The following C1orf162 variants were observed in gnomAD, a reference collection of about 807,000 sequenced individuals.
C1orf162 encodes transmembrane protein C1orf162.
C1orf162 carries 10 observed loss-of-function variants against 11.4 expected under a neutral mutation model. The ratio of observed to expected loss-of-function variants is 0.88; its 90% confidence interval spans 0.54 to 1.48. C1orf162 has a LOEUF of 1.48. Ranked by LOEUF, C1orf162 falls within the 40% of genes most tolerant of loss-of-function variation. The probability of loss-of-function intolerance (pLI) is 0.00; values close to 1 mark genes in which losing one functional copy is unlikely to be tolerated. For missense variants in C1orf162, 140 were observed against 149.5 expected, an observed-to-expected ratio of 0.94 and a Z score of 0.33; for synonymous variants, 53 against 55.0, an observed-to-expected ratio of 0.96 and a Z score of 0.16.
chr1:111,477,295 G>T, intron 3 of C1orf162, 39 bp from the exon 4 acceptor site: 1 of 1,557,100 alleles, frequency 6.4e-7, no homozygotes, highest in Non-Finnish European at 8.9e-7. Context: ...GCCTTCAAAA[G>T]CCCAACAGTT....
intron 2 of C1orf162, 112 bp from the exon 3 acceptor site, chr1:111,476,686 T>C (rs1654000093): frequency 1.0e-6 from 1 of 958,950 alleles, no homozygotes; most frequent in Non-Finnish European, 1.7e-6. Context: ...TGCAGCCCCA[T>C]CCTTAATTTC....
Position 111,478,250 on chromosome 1 carries a change from T to C in C1orf162, c.*127T>C. The stretch of plus-strand genomic sequence containing the variant: ...GAAACTGCAGTCGGAGTTGTTTAGA[T>C]GTGATCTGGCAATGCTATCCAGCAT... On this transcript the variant is annotated 3_prime_UTR_variant, in exon 6 of 6. Transcript: ENST00000369718. The C allele has an allele frequency of 2.6e-6, 3 of 1,134,318 alleles. No homozygotes were observed. Among genetic ancestry groups the C allele is most frequent in the Non-Finnish European group, 3.9e-6 (3 of 778,406 alleles). 70.3% of individuals were successfully genotyped at this position (1,134,318 alleles called of 1,614,324 possible).
At chr1:111,477,825 A>C (rs369472329) in intron 5 of C1orf162, 50 bp downstream of exon 5, 57 of 1,607,948 alleles carry the variant, frequency 3.5e-5, no homozygotes, top group Non-Finnish European at 6.0e-6. Context: ...CCGTCATTGG[A>C]ATTCCCCTCC....
At position 111,478,047 on chromosome 1, in the gene C1orf162, A is replaced by G; in HGVS notation, c.317A>G (p.Lys106Arg). 6.2e-7 allele frequency: 1 copy of G among 1,614,144 alleles called. No individual in the cohort carries two copies. Among genetic ancestry groups the G allele is most frequent in the Non-Finnish European group, 8.5e-7 (1 of 1,179,970 alleles). Residue 106 changes from lysine (K) to arginine (R), a missense_variant, in exon 6 of 6, where the codon AAG becomes AGG. By Grantham distance (26) the Lys-to-Arg change is conservative (BLOSUM62 2). Coordinates refer to ENST00000369718, the MANE Select transcript of C1orf162 (RefSeq NM_001300834.2). ...ASTTFKLSEE[K>R]SNHLAENHSA... ...ACAACTTTCAAACTCTCAGAAGAAAAGAGCAATCACTTGGCTGAGAACCAT... is the reference window on the plus strand; with the variant it reads ...ACAACTTTCAAACTCTCAGAAGAAAGGAGCAATCACTTGGCTGAGAACCAT...
intron 1 of C1orf162, chr1:111,475,170 A>G (rs1325512078): frequency 8.0e-6 from 1 of 125,684 alleles, no homozygotes; most frequent in African/African-American, 3.7e-5. Context: ...AAGACCTATC[A>G]CCACTAAAAA....
intron 4 of C1orf162, 120 bp downstream of exon 4, chr1:111,477,548 C>T (rs763453953): frequency 1.1e-5 from 16 of 1,484,842 alleles, no homozygotes; most frequent in Admixed American, 6.9e-5. Context: ...CCTGCTTAGC[C>T]CACCCTGTCT....
chr1:111,476,875 A>G lies in C1orf162; in HGVS notation c.107+8A>G. On this transcript the variant is annotated splice_region_variant and intron_variant, in intron 3 of 5. Coordinates refer to ENST00000369718, the MANE Select transcript of C1orf162 (RefSeq NM_001300834.2). ...TCTCTCTAACCACCACAAGTAAATG[A>G]GCATTCTCCTATCTGTTTCATCTTG... 1 of 1,612,344 alleles carries G rather than the reference A, an allele frequency of 6.2e-7. No individual in the cohort carries two copies. The highest frequency in any genetic ancestry group is 8.5e-7 in the Non-Finnish European group (1 of 1,178,414).
chr1:111,477,246 T>C, intron 3 of C1orf162, 88 bp from the exon 4 acceptor site: 1 of 1,121,548 alleles, frequency 8.9e-7, no homozygotes, highest in South Asian at 1.3e-5. Context: ...ATTTCAGGAG[T>C]CCATCCATAG....
At chr1:111,475,651 A>G (rs1653963254) in intron 1 of C1orf162, 1 of 189,974 alleles carries the variant, frequency 5.3e-6, no homozygotes, top group Admixed American at 5.4e-5. Flanking sequence ...TGGCATTCTT[A>G]TATGTTCCCC....
At chr1:111,476,297 G>A (rs1455463234) in intron 2 of C1orf162, among the ~76,000 whole-genome samples, 1 of 152,148 alleles carries the variant, frequency 6.6e-6, no homozygotes, top group Admixed American at 6.5e-5. Flanking sequence ...TATCAAACTA[G>A]GTGGGTCCTG....
At chr1:111,475,965 T>G in intron 1 of C1orf162, 53 bp from the exon 2 acceptor site, 1 of 1,477,890 alleles carries the variant, frequency 6.8e-7, no homozygotes, top group South Asian at 1.1e-5. Context: ...AGCTGGCCCT[T>G]AAGCCGGCTC....
At chr1:111,477,814 A>G in intron 5 of C1orf162, 39 bp downstream of exon 5, 1 of 1,611,766 alleles carries the variant, frequency 6.2e-7, no homozygotes, top group South Asian at 1.1e-5. Context: ...CTGAAGGGCT[A>G]CCGTCATTGG....
chr1:111,477,126 A>AG, intron 3 of C1orf162: 1 of 634,812 alleles, frequency 1.6e-6, no homozygotes. Context: ...GGGTTGAGGG[A>AG]GGGGGAGAGG....
rs978655774 is a variant in C1orf162 at position 111,477,117 on chromosome 1, G to C, written c.108-217G>C. 51 of 634,224 alleles carry C rather than the reference G, an allele frequency of 8.0e-5. No homozygotes were observed. In the Admixed American group the frequency reaches 1.4e-3, roughly 17 times the overall value. The allele number at this position is 634,224 out of a possible 1,614,324, so 39.3% of individuals were successfully genotyped here. On this transcript the variant is annotated intron_variant, in intron 3 of 5. Transcript: ENST00000369718. ...GGTGGGGAATTATGAACATTGTGTG[G>C]GTTGAGGGAGGGGGAGAGGAAGAGG...
rs1654065867 is a variant in C1orf162 at position 111,478,225 on chromosome 1, G to A, written c.*102G>A. ...ACAAATTTTGGACCACCACCTGTGT[G>A]AAACTGCAGTCGGAGTTGTTTAGAT... On this transcript the variant is annotated 3_prime_UTR_variant, in exon 6 of 6. Transcript: ENST00000369718. 7.2e-7 allele frequency: 1 copy of A among 1,384,602 alleles called. No individual in the cohort carries two copies. Among genetic ancestry groups the A allele is most frequent in the Non-Finnish European group, 1.0e-6 (1 of 986,468 alleles). The allele number at this position is 1,384,602 out of a possible 1,614,324, so 85.8% of individuals were successfully genotyped here.
intron 1 of C1orf162, chr1:111,474,711 C>T (rs1364973715): frequency 6.6e-6 from 1 of 152,184 alleles, no homozygotes; most frequent in Non-Finnish European, 1.5e-5. Context: ...GATTCCTCAA[C>T]ACATTTTCCC....
At chr1:111,477,563 A>G in intron 4 of C1orf162, 135 bp downstream of exon 4, 1 of 1,504,266 alleles carries the variant, frequency 6.6e-7, no homozygotes, top group Non-Finnish European at 9.2e-7. Flanking sequence ...CTGTCTGCAG[A>G]CTGAAGATTC....
At chr1:111,476,992 C>A in intron 3 of C1orf162, 125 bp downstream of exon 3, 1 of 1,082,244 alleles carries the variant, frequency 9.2e-7, no homozygotes, top group Non-Finnish European at 1.4e-6. Flanking sequence ...AGTAAAAGAA[C>A]AAAGTCAGTT....
At chr1:111,477,630 C>G (rs746006464) in intron 4 of C1orf162, 96 bp from the exon 5 acceptor site, 2 of 1,610,488 alleles carry the variant, frequency 1.2e-6, no homozygotes, top group Non-Finnish European at 1.7e-6. Flanking sequence ...CACCTCCTCC[C>G]CACCCCACCC....
Sources: gnomAD v4.1 joint callset for allele counts (sites outside exome capture counted in the v4.1 genomes callset) on GRCh38, gnomAD v4.1.1 for gene constraint, MANE v1.5 for transcripts, NCBI Gene and HGNC (gene_info 2026-07-23, HGNC 2026-07-21) for gene names.